UBE2O: variants seen among roughly 807,000 people sequenced by gnomAD.
The protein encoded by UBE2O is ubiquitin conjugating enzyme E2 O, also known as (E3-independent) E2 ubiquitin-conjugating enzyme.
In UBE2O, 15 loss-of-function variants were observed where a neutral mutation model predicts 125.8. The ratio of observed to expected loss-of-function variants is 0.12; its 90% CI spans 0.08 to 0.18. The LOEUF (loss-of-function observed/expected upper bound fraction) is 0.18, where lower values mean the gene tolerates loss of function less well. Ranked by LOEUF, UBE2O falls within the 10% of genes least tolerant of loss-of-function variation. UBE2O has a pLI of 1.00. For missense variants in UBE2O, 1,280 were observed against 1,723.6 expected, an observed-to-expected ratio of 0.74 and a Z score of 4.56; for synonymous variants, 708 against 703.2, an observed-to-expected ratio of 1.01 and a Z score of -0.11.
In UBE2O at chr17:76,410,640, C is replaced by A. The variant is rs562310816; in HGVS notation, c.418-5068G>T. 1.3e-5 allele frequency among the ~76,000 whole-genome samples: 2 copies of A among 152,122 alleles called. No individual in the cohort carries two copies. Among genetic ancestry groups the A allele is most frequent in the Non-Finnish European group, 2.9e-5 (2 of 68,020 alleles). ...GGGACAATGCCAGGGCAGAGGGCAA[C>A]GTGGCAGGAGGCTGGGCACTTCTGT... On this transcript the variant is annotated intron_variant, in intron 1 of 17. Coordinates refer to ENST00000319380, the MANE Select transcript of UBE2O (RefSeq NM_022066.4). This position sits in a 1 kb window ranked among gnomAD's most constrained non-coding sequence, Gnocchi z 4.0.
At position 76,410,827 on chromosome 17, in the gene UBE2O, G is replaced by T. The variant is rs1164878519; in HGVS notation, c.418-5255C>A. Among the ~76,000 whole-genome samples the T allele has an allele frequency of 3.9e-5, 6 of 152,152 alleles. No individual in the cohort carries two copies. The highest frequency in any genetic ancestry group is 1.4e-4 in the African/African-American group (6 of 41,422). ...CTGCTTCTCTGAGCTGCAGTCTTGA[G>T]GCTGACCCCCAATAACACAGCAAAA... On this transcript the variant is annotated intron_variant, in intron 1 of 17. Coordinates refer to ENST00000319380, the MANE Select transcript of UBE2O (RefSeq NM_022066.4). The surrounding 1 kb of genome is among the most constrained non-coding windows in gnomAD (Gnocchi z 4.0).
rs2072269484 is a variant in UBE2O at position 76,399,109 on chromosome 17, C to T, written c.1629-118G>A. On this transcript the variant is annotated intron_variant, in intron 9 of 17. Transcript: ENST00000319380. The surrounding 1 kb of genome is among the most constrained non-coding windows in gnomAD (Gnocchi z 6.9). ...CTTGGTAACCTGAAACTCTGAATCC[C>T]AGGTTGGCAGGATGAGTCTCTGGTG... 1 of 1,345,166 alleles carries T rather than the reference C, an allele frequency of 7.4e-7. No homozygotes were observed. The highest frequency in any genetic ancestry group is 1.0e-6 in the Non-Finnish European group (1 of 1,001,122). 83.3% of individuals were successfully genotyped at this position (1,345,166 alleles called of 1,614,324 possible). A position where few individuals can be genotyped will look rare whatever the true frequency, so the allele number is the denominator to read the frequency against.
chr17:76,396,868 T>A lies in UBE2O; in HGVS notation c.2116-47A>T. ...CAGGGTAAGCAGACAGGAAGTCACCTCCCCACCACTAAGGAGGAGCTCTGG... is the reference window on the plus strand; with the variant it reads ...CAGGGTAAGCAGACAGGAAGTCACCACCCCACCACTAAGGAGGAGCTCTGG... On this transcript the variant is annotated intron_variant, in intron 13 of 17. Coordinates refer to ENST00000319380, the MANE Select transcript of UBE2O (RefSeq NM_022066.4). The surrounding 1 kb of genome is among the most constrained non-coding windows in gnomAD (Gnocchi z 6.7). The A allele has an allele frequency of 6.7e-7, 1 of 1,496,280 alleles. No homozygotes were observed. The highest frequency in any genetic ancestry group is 9.0e-7 in the Non-Finnish European group (1 of 1,107,350). The allele number at this position is 1,496,280 out of a possible 1,614,324, so 92.7% of individuals were successfully genotyped here.
intron 1 of UBE2O, among the ~76,000 whole-genome samples, chr17:76,408,615 T>C (rs766074056): frequency 3.9e-5 from 6 of 152,328 alleles, no homozygotes; most frequent in African/African-American, 9.6e-5. Flanking sequence ...ACTCTCTTCA[T>C]TTCTGAGGCA....
Position 76,452,872 on chromosome 17 carries a change from CTCCGAG to C in UBE2O, c.264_269del (p.Asp88_Ser89del). The C allele has an allele frequency of 1.3e-6, 2 of 1,504,558 alleles. No individual in the cohort carries two copies. Among genetic ancestry groups the C allele is most frequent in the Non-Finnish European group, 8.9e-7 (1 of 1,126,476 alleles). The allele number at this position is 1,504,558 out of a possible 1,614,324, so 93.2% of individuals were successfully genotyped here. A position where few individuals can be genotyped will look rare whatever the true frequency, so the allele number is the denominator to read the frequency against. On this transcript the variant is annotated inframe_deletion, in exon 1 of 18. Coordinates refer to ENST00000319380, the MANE Select transcript of UBE2O (RefSeq NM_022066.4). The surrounding 1 kb of genome is among the most constrained non-coding windows in gnomAD (Gnocchi z 4.4). Reference sequence around the variant, plus strand: ...AGCTCCCGCGGCCCTCCTCCTCGCCCTCCGAGTCCGAGTCCTCGCCGTGGATGAGGC... The same window carrying C: ...AGCTCCCGCGGCCCTCCTCCTCGCCCTCCGAGTCCTCGCCGTGGATGAGGC...
intron 1 of UBE2O, among the ~76,000 whole-genome samples, chr17:76,425,831 G>C (rs913789287): frequency 6.6e-6 from 1 of 151,868 alleles, no homozygotes; most frequent in African/African-American, 2.4e-5. Context: ...TTTTCTTGTC[G>C]ATCTCTCTCC....
At chr17:76,429,806 GCT>G (rs1419663743) in intron 1 of UBE2O, among the ~76,000 whole-genome samples, 1 of 152,184 alleles carries the variant, frequency 6.6e-6, no homozygotes, top group Non-Finnish European at 1.5e-5. Context: ...GCTGGGATTT[GCT>G]CTTTTAGTGT....
intron 1 of UBE2O, among the ~76,000 whole-genome samples, chr17:76,429,294 C>T (rs2072864256): frequency 6.6e-6 from 1 of 151,870 alleles, no homozygotes. Context: ...GTGATCCCAG[C>T]ACTTTGTGAG....
In UBE2O at chr17:76,390,709, T is replaced by G; in HGVS notation, c.*234A>C. 1 of 428,370 alleles carries G rather than the reference T, an allele frequency of 2.3e-6. No homozygotes were observed. The highest frequency in any genetic ancestry group is 4.1e-6 in the Non-Finnish European group (1 of 241,150). 26.5% of individuals were successfully genotyped at this position (428,370 alleles called of 1,614,324 possible). A position where few individuals can be genotyped will look rare whatever the true frequency, so the allele number is the denominator to read the frequency against. On this transcript the variant is annotated 3_prime_UTR_variant, in exon 18 of 18. Transcript: ENST00000319380. The stretch of plus-strand genomic sequence containing the variant: ...GACAAATGGAAAATCGGCAACAGGG[T>G]TCCGATTTTCTTTGCCACAGGGGAC...
chr17:76,451,551 C>T (rs992380796), intron 1 of UBE2O, among the ~76,000 whole-genome samples: 1 of 152,120 alleles, frequency 6.6e-6, no homozygotes, highest in African/African-American at 2.4e-5. Context: ...CTTCTCAAGC[C>T]GTTGTCACAG....
chr17:76,402,226 G>T lies in UBE2O; in HGVS notation c.687-99C>A. ...CCAATGCGCCCACATGCCCTAAATA[G>T]CACAATTCGTCTTCTACCATCAACT... On this transcript the variant is annotated intron_variant, in intron 4 of 17. Transcript: ENST00000319380. This position sits in a 1 kb window ranked among gnomAD's most constrained non-coding sequence, Gnocchi z 5.4. The T allele has an allele frequency of 1.9e-6, 2 of 1,070,828 alleles. No individual in the cohort carries two copies. Among genetic ancestry groups the T allele is most frequent in the Non-Finnish European group, 1.4e-6 (1 of 721,970 alleles). The allele number at this position is 1,070,828 out of a possible 1,614,324, so 66.3% of individuals were successfully genotyped here. A position where few individuals can be genotyped will look rare whatever the true frequency, so the allele number is the denominator to read the frequency against.
chr17:76,430,120 G>T (rs1383638897), intron 1 of UBE2O, among the ~76,000 whole-genome samples: 2 of 152,040 alleles, frequency 1.3e-5, no homozygotes, highest in East Asian at 1.9e-4. Flanking sequence ...TTTTCCGCAG[G>T]TACCAACATT....
At chr17:76,441,168 C>T (rs1489542891) in intron 1 of UBE2O, among the ~76,000 whole-genome samples, 1 of 152,202 alleles carries the variant, frequency 6.6e-6, no homozygotes, top group African/African-American at 2.4e-5. Context: ...TGTGAGTTAA[C>T]ATGCCTGGCT....
intron 1 of UBE2O, among the ~76,000 whole-genome samples, chr17:76,422,404 A>C (rs530599894): frequency 2.5e-4 from 38 of 152,306 alleles, no homozygotes; most frequent in African/African-American, 7.7e-4. Flanking sequence ...AGGTCTGGGC[A>C]CCCAGTGGCC....
rs1276172719 is a variant in UBE2O, at chr17:76,402,373, G to A, written c.686+229C>T. Among the ~76,000 whole-genome samples the A allele has an allele frequency of 3.9e-5, 6 of 152,172 alleles. No homozygotes were observed. Among genetic ancestry groups the A allele is most frequent in the Non-Finnish European group, 7.4e-5 (5 of 68,020 alleles). ...CATCAGCCTCTAGCAGATATCCTCA[G>A]TGAAAACGTTTCTCCCCATGCCAGG... On this transcript the variant is annotated intron_variant, in intron 4 of 17. Transcript: ENST00000319380. The surrounding 1 kb of genome is among the most constrained non-coding windows in gnomAD (Gnocchi z 5.4).
intron 15 of UBE2O, among the ~76,000 whole-genome samples, chr17:76,393,609 AG>A (rs1318871441): frequency 8.5e-5 from 13 of 152,292 alleles, no homozygotes; most frequent in African/African-American, 3.1e-4. Context: ...CAAGGCAAGT[AG>A]TACAAGCAGT....
chr17:76,424,416 C>CCAGG (rs1406879237), intron 1 of UBE2O, among the ~76,000 whole-genome samples: 1 of 149,692 alleles, frequency 6.7e-6, no homozygotes, highest in African/African-American at 2.5e-5. Flanking sequence ...ACCATATTGG[C>CCAGG]CAGGCTGGTC....
chr17:76,451,512 G>A (rs766217332), intron 1 of UBE2O, among the ~76,000 whole-genome samples: 27 of 152,264 alleles, frequency 1.8e-4, no homozygotes, highest in Admixed American at 1.6e-3. Flanking sequence ...AATGGATCAT[G>A]TGCTCTTCTC....
At chr17:76,421,392 A>C (rs147699050) in intron 1 of UBE2O, among the ~76,000 whole-genome samples, 2,066 of 146,602 alleles carry the variant, frequency 0.014, 47 homozygotes, top group African/African-American at 0.046. Flanking sequence ...TTTGAGACGG[A>C]GTTTCGCTCT....
Sources: allele counts gnomAD v4.1 joint callset (sites outside exome capture counted in the v4.1 genomes callset), GRCh38; gene constraint gnomAD v4.1.1; non-coding constraint Gnocchi (gnomAD v3.1); transcripts MANE v1.5; gene names NCBI Gene and HGNC (gene_info 2026-07-23, HGNC 2026-07-21).